Variants in POLE observed in about 807,000 individuals in gnomAD.
POLE encodes the protein DNA polymerase epsilon, catalytic subunit.
In POLE, 188 loss-of-function variants were observed where a neutral mutation model predicts 279.2. The observed-to-expected ratio is 0.67, with a 90% CI of 0.60 to 0.76. The LOEUF is 0.76. Ranked by LOEUF, POLE falls within the 30% of genes least tolerant of loss-of-function variation. POLE has a pLI of 0.00. For synonymous variants in POLE, 1,214 were observed against 1,172.5 expected (o/e 1.04, Z -0.72); for missense variants, 2,703 against 3,016.7 (o/e 0.90, Z 2.44).
chr12:132,659,547 A>AG, intron 25 of POLE, 38 bp from the exon 26 acceptor site: 1 of 1,566,652 alleles, frequency 6.4e-7, no homozygotes, highest in Non-Finnish European at 8.8e-7. Flanking sequence ...GCAGAAATCA[A>AG]GGGGCAGAGT....
rs1193633705 is a variant in POLE at position 132,657,436 on chromosome 12, G to A, written c.3379-7C>T. 1.2e-6 allele frequency: 2 copies of A among 1,613,814 alleles called. No homozygotes were observed. The highest frequency in any genetic ancestry group is 2.2e-5 in the East Asian group (1 of 44,876). The stretch of plus-strand genomic sequence containing the variant: ...AGTAGTCCCAATCCAGAATCTGCAT[G>A]TGCAGGAAACGGGCACAGAGAACAG... On this transcript the variant is annotated splice_polypyrimidine_tract_variant and splice_region_variant and intron_variant, in intron 27 of 48. Coordinates refer to ENST00000320574, the MANE Select transcript of POLE (RefSeq NM_006231.4).
In POLE at chr12:132,658,881, C is replaced by CAAAAAAAA. The variant is rs1167117347; in HGVS notation, c.3275+406_3275+413dup. ...ACTGGTCCTATTTGTATATAACCAC[C>CAAAAAAAA]AAAAAAAAAAAAAAAAAAAAAAAAA... is the stretch of plus-strand genomic sequence containing the variant. On this transcript the variant is annotated intron_variant, in intron 26 of 48. Transcript: ENST00000320574. 4.0e-3 allele frequency among the ~76,000 whole-genome samples: 135 copies of CAAAAAAAA among 33,826 alleles called. 31 individuals carry two copies. Among genetic ancestry groups the CAAAAAAAA allele is most frequent in the African/African-American group, 8.5e-3 (83 of 9,774 alleles). The allele number at this position is 33,826 out of a possible 152,430, so 22.2% of individuals were successfully genotyped here.
chr12:132,637,375 G>A (rs2042054493), intron 41 of POLE, among the ~76,000 whole-genome samples: 1 of 152,194 alleles, frequency 6.6e-6, no homozygotes, highest in South Asian at 2.1e-4. Flanking sequence ...TGCTCAGAAA[G>A]GGCTGCATTC....
intron 23 of POLE, among the ~76,000 whole-genome samples, chr12:132,663,218 C>T (rs2042717505): frequency 1.3e-5 from 2 of 152,296 alleles, no homozygotes; most frequent in Non-Finnish European, 2.9e-5. Flanking sequence ...ACGCTTATAT[C>T]CTCCCCACTG....
Position 132,643,946 on chromosome 12 carries a change from AC to A in POLE, c.4180del (p.Val1394SerfsTer59). 6.2e-7 allele frequency: 1 copy of A among 1,613,848 alleles called. No individual in the cohort carries two copies. The highest frequency in any genetic ancestry group is 8.5e-7 in the Non-Finnish European group (1 of 1,179,832). The stretch of plus-strand genomic sequence containing the variant: ...CACTGAATACTCATAGAGATTGTAG[AC>A]CATGTTGGAGCGAGGAAGGACCCGA... ...VNRVLPRSNM[V>X]YNLYEYSVPE... On this transcript the variant is annotated frameshift_variant, in exon 33 of 49. Coordinates refer to ENST00000320574, the MANE Select transcript of POLE (RefSeq NM_006231.4). LOFTEE classifies it high-confidence loss of function.
At position 132,642,674 on chromosome 12, in the gene POLE, C is replaced by A. The variant is rs1565937889; in HGVS notation, c.4784G>T (p.Arg1595Met). The A allele has an allele frequency of 1.9e-6, 3 of 1,613,870 alleles. No homozygotes were observed. Among genetic ancestry groups the A allele is most frequent in the Non-Finnish European group, 2.5e-6 (3 of 1,180,036 alleles). The change falls in exon 37 of 49, where the codon AGG (arginine) becomes ATG (methionine). Residue 1595 changes from arginine (R) to methionine (M), a missense_variant. By Grantham distance (91) the Arg-to-Met change is moderately conservative (BLOSUM62 -1). Around this residue, in one of 5 missense-constraint regions of POLE, gnomAD observed 1,551 missense variants for 1,686.1 expected, o/e 0.92. Transcript: ENST00000320574. ...IAVQSSWELK[R>M]LASEIPVLEE... is the part of the protein sequence containing the mutation. ...CAAGACAGGAATTTCACTGGCCAGCCTCTTCAGCTCCCAGCTGGACTGAAC... is the reference window on the plus strand; with the variant it reads ...CAAGACAGGAATTTCACTGGCCAGCATCTTCAGCTCCCAGCTGGACTGAAC...
rs2138539098 is a variant in POLE at position 132,642,846 on chromosome 12, T to C, written c.4702A>G (p.Ile1568Val). ...ETDLKTICRA[I>V]QRFLLAYKEE... is the part of the protein sequence containing the mutation. Reference sequence around the variant, plus strand: ...TTGTAGGCGAGCAGGAATCGCTGGATGGCTCTGCAGATGGTCTTCAGGTCA... The same window carrying C: ...TTGTAGGCGAGCAGGAATCGCTGGACGGCTCTGCAGATGGTCTTCAGGTCA... The change falls in exon 36 of 49, where the codon ATC becomes GTC. Residue 1568 changes from isoleucine to valine, a missense_variant. Around this residue, in one of 5 missense-constraint regions of POLE, gnomAD observed 1,551 missense variants for 1,686.1 expected, o/e 0.92. Coordinates refer to ENST00000320574, the MANE Select transcript of POLE (RefSeq NM_006231.4). The C allele has an allele frequency of 6.2e-7, 1 of 1,614,054 alleles. No homozygotes were observed. The highest frequency in any genetic ancestry group is 1.1e-5 in the South Asian group (1 of 91,074).
intron 6 of POLE, 112 bp from the exon 7 acceptor site, chr12:132,677,831 C>T (rs1593082428): frequency 1.9e-6 from 2 of 1,035,382 alleles, no homozygotes; most frequent in East Asian, 4.8e-5. Flanking sequence ...CGAGGAAACA[C>T]AAAAGGTAAA....
chr12:132,650,594 G>A (rs1016822726), intron 29 of POLE: 9 of 152,158 alleles, frequency 5.9e-5, no homozygotes, highest in African/African-American at 1.9e-4. Context: ...CAGCCTGGGC[G>A]AGAGGGTGAG....
Position 132,675,427 on chromosome 12 carries a change from C to A in POLE, c.1197G>T (p.Ala399=). The part of the protein sequence containing the change: ...FQKDSQGEYK[A]PQCIHMDCLR... ...GGCAGTCCATGTGGATGCACTGGGG[C>A]GCCTTGTACTCCCCCTGGCTGTCCT... is the stretch of plus-strand genomic sequence containing the variant. Residue 399 remains alanine (A), a synonymous_variant, in exon 12 of 49, where the codon GCG becomes GCT. Coordinates refer to ENST00000320574, the MANE Select transcript of POLE (RefSeq NM_006231.4). The surrounding 1 kb of genome is among the most constrained non-coding windows in gnomAD (Gnocchi z 4.3). 1 of 1,614,144 alleles carries A rather than the reference C, an allele frequency of 6.2e-7. No homozygotes were observed. Among genetic ancestry groups the A allele is most frequent in the Non-Finnish European group, 8.5e-7 (1 of 1,180,014 alleles).
chr12:132,679,822 T>G, intron 5 of POLE, 132 bp downstream of exon 5: 1 of 995,416 alleles, frequency 1.0e-6, no homozygotes, highest in South Asian at 1.6e-5. Flanking sequence ...TTGGAAGGAA[T>G]TTTATAGACG....
In POLE at chr12:132,680,965, T is replaced by G. The variant is rs547308482; in HGVS notation, c.204+173A>C. Reference sequence around the variant, plus strand: ...TCACCTCCGGCTTCTCACAGTGGCCTCTCTGTGGCCCTCAATGACGTTAAA... The same window carrying G: ...TCACCTCCGGCTTCTCACAGTGGCCGCTCTGTGGCCCTCAATGACGTTAAA... On this transcript the variant is annotated intron_variant, in intron 2 of 48. Coordinates refer to ENST00000320574, the MANE Select transcript of POLE (RefSeq NM_006231.4). The G allele has an allele frequency of 4.9e-5, 36 of 734,016 alleles. No individual in the cohort carries two copies. The East Asian group carries it at 9.4e-4, about 19-fold the overall frequency. The allele number at this position is 734,016 out of a possible 1,614,324, so 45.5% of individuals were successfully genotyped here.
In POLE at chr12:132,671,262, C is replaced by CA. The variant is rs397850854; in HGVS notation, c.1794+952dup. Among the ~76,000 whole-genome samples, 455 of 64,268 alleles carry CA rather than the reference C, an allele frequency of 7.1e-3. 5 individuals carry two copies. The highest frequency in any genetic ancestry group is 8.7e-3 in the Non-Finnish European group (315 of 36,360). The allele number at this position is 64,268 out of a possible 152,430, so 42.2% of individuals were successfully genotyped here. On this transcript the variant is annotated intron_variant, in intron 16 of 48. Transcript: ENST00000320574. The stretch of plus-strand genomic sequence containing the variant: ...TGGGTGACAGAGCAAGACTCCGTCT[C>CA]AAAAAAAAAAAAAAAAAAAAAAAAA...
intron 32 of POLE, among the ~76,000 whole-genome samples, chr12:132,644,586 G>A (rs894486822): frequency 6.6e-6 from 1 of 152,168 alleles, no homozygotes; most frequent in Non-Finnish European, 1.5e-5. Flanking sequence ...TAACCTGAGG[G>A]TGTAGATGGC....
intron 23 of POLE, among the ~76,000 whole-genome samples, chr12:132,663,339 C>T (rs1487709981): frequency 6.6e-6 from 1 of 152,252 alleles, no homozygotes; most frequent in Admixed American, 6.5e-5. Context: ...AACACACCCA[C>T]ACTCCCACAC....
rs1162964241 is a variant in POLE, at chr12:132,625,918, C to A, written c.6532-148G>T. The A allele has an allele frequency of 7.4e-6, 9 of 1,208,746 alleles. No individual in the cohort carries two copies. In the Admixed American group the frequency reaches 2.0e-4, roughly 27 times the overall value. The allele number at this position is 1,208,746 out of a possible 1,614,324, so 74.9% of individuals were successfully genotyped here. On this transcript the variant is annotated intron_variant, in intron 46 of 48. Coordinates refer to ENST00000320574, the MANE Select transcript of POLE (RefSeq NM_006231.4). ...CAGCTGCACGCACTCTGGCCTCCCA[C>A]CTGCACTTGAGCCCTTCCTAGGACA...
Position 132,660,829 on chromosome 12 carries a change from A to C in POLE, c.3060+140T>G, listed in dbSNP as rs5744846. The C allele has an allele frequency of 3.2e-3, 1,863 of 578,364 alleles. 22 individuals are homozygous for C. Among genetic ancestry groups the C allele is most frequent in the African/African-American group, 0.027 (1,444 of 53,720 alleles). 35.8% of individuals were successfully genotyped at this position (578,364 alleles called of 1,614,324 possible). A position where few individuals can be genotyped will look rare whatever the true frequency, so the allele number is the denominator to read the frequency against. On this transcript the variant is annotated intron_variant, in intron 25 of 48. Coordinates refer to ENST00000320574, the MANE Select transcript of POLE (RefSeq NM_006231.4). ...GAACTCCAAGGGGGTAATTGTGCTC[A>C]GGAGGTCTTGGGATTTCATTAGGAC...
At chr12:132,640,841 C>T (rs1020243017) in intron 39 of POLE, among the ~76,000 whole-genome samples, 6 of 152,212 alleles carry the variant, frequency 3.9e-5, no homozygotes, top group African/African-American at 1.4e-4. Flanking sequence ...GGGCTACTGT[C>T]TCTCTGCCAA....
Position 132,625,548 on chromosome 12 carries a change from C to T in POLE, c.6657+97G>A, listed in dbSNP as rs1428861655. 3.5e-5 allele frequency: 52 copies of T among 1,474,604 alleles called. No homozygotes were observed. In the Middle Eastern group the frequency reaches 5.2e-4, roughly 15 times the overall value. The allele number at this position is 1,474,604 out of a possible 1,614,324, so 91.3% of individuals were successfully genotyped here. On this transcript the variant is annotated intron_variant, in intron 47 of 48. Coordinates refer to ENST00000320574, the MANE Select transcript of POLE (RefSeq NM_006231.4). The stretch of plus-strand genomic sequence containing the variant: ...GCAGGCCCCTTGGAAGACACCAGGG[C>T]GTGCCTCAGGACCTGCACACACCCC...
Sources: gnomAD v4.1 joint callset for allele counts (sites outside exome capture counted in the v4.1 genomes callset) on GRCh38, gnomAD v4.1.1 for gene constraint, gnomAD v4.1.1 regional missense constraint, Gnocchi (gnomAD v3.1) non-coding constraint, MANE v1.5 for transcripts, NCBI Gene and HGNC (gene_info 2026-07-23, HGNC 2026-07-21) for gene names.